GMDS: variants seen among roughly 807,000 people sequenced by gnomAD.
The protein encoded by GMDS is GDP-mannose 4,6 dehydratase.
Under a neutral mutation model 49.9 loss-of-function variants are expected in GMDS, and 20 were observed. The observed-to-expected ratio is 0.40, with a 90% CI of 0.28 to 0.58. The LOEUF is 0.58. Among genes scored for constraint, GMDS ranks in the 20% least tolerant of loss-of-function variants. The pLI, the probability that GMDS is intolerant of heterozygous loss-of-function variation, is 0.42. For synonymous variants in GMDS, 177 were observed against 178.6 expected (o/e 0.99, Z 0.07); for missense variants, 362 against 481.4 (o/e 0.75, Z 2.32).
intron 1 of GMDS, among the ~76,000 whole-genome samples, chr6:2,158,986 T>C: frequency 6.6e-6 from 1 of 152,198 alleles, no homozygotes. Context: ...GGTTGGGGTT[T>C]AGAAGGAAGA....
rs369426311 is a variant in GMDS, at chr6:2,133,259, TG to T, written c.103-8529del. 5.8e-3 allele frequency among the ~76,000 whole-genome samples: 883 copies of T among 152,362 alleles called. 6 individuals carry two copies. The highest frequency in any genetic ancestry group is 0.013 in the South Asian group (61 of 4,830). On this transcript the variant is annotated intron_variant, in intron 1 of 10. Coordinates refer to ENST00000380815, the MANE Select transcript of GMDS (RefSeq NM_001500.4). ...GAATTATGAAATTTTAGTATTTACT[TG>T]ATTTATTAATGTTTCCTTGTGCATT...
intron 1 of GMDS, among the ~76,000 whole-genome samples, chr6:2,207,297 G>T (rs961779737): frequency 6.6e-6 from 1 of 151,904 alleles, no homozygotes; most frequent in African/African-American, 2.4e-5. Context: ...AGGCACAGGG[G>T]ACATGTCTCC....
rs549641675 is a variant in GMDS, at chr6:1,635,667, G to A, written c.988-11127C>T. Among the ~76,000 whole-genome samples the A allele has an allele frequency of 2.6e-5, 4 of 151,640 alleles. No homozygotes were observed. Among genetic ancestry groups the A allele is most frequent in the Middle Eastern group, 3.4e-3 (1 of 294 alleles). On this transcript the variant is annotated intron_variant, in intron 9 of 10. Transcript: ENST00000380815. This position sits in a 1 kb window ranked among gnomAD's most constrained non-coding sequence, Gnocchi z 4.7. ...GGGTCTGTGCTGTGCAAAGCCCACC[G>A]GGGGGTGTGGCCCTCAAGTCTGCAG... is the stretch of plus-strand genomic sequence containing the variant.
chr6:1,702,981 C>T (rs927167051), intron 9 of GMDS, among the ~76,000 whole-genome samples: 3 of 152,168 alleles, frequency 2.0e-5, no homozygotes, highest in African/African-American at 7.2e-5. Flanking sequence ...AGCCACTGGA[C>T]CAGAGTCCAC....
intron 9 of GMDS, among the ~76,000 whole-genome samples, chr6:1,669,011 C>G (rs75126905): frequency 2.4e-3 from 361 of 152,326 alleles, no homozygotes; most frequent in African/African-American, 8.3e-3. Context: ...GAATATATTT[C>G]TAACATATGT....
At chr6:1,721,706 G>A (rs1330917140) in intron 9 of GMDS, among the ~76,000 whole-genome samples, 1 of 151,860 alleles carries the variant, frequency 6.6e-6, no homozygotes, top group Non-Finnish European at 1.5e-5. Flanking sequence ...AATTTGGCAC[G>A]TTAGGATGAC....
chr6:1,924,431 C>G (rs897446316), intron 7 of GMDS, among the ~76,000 whole-genome samples: 1 of 152,154 alleles, frequency 6.6e-6, no homozygotes, highest in African/African-American at 2.4e-5. Flanking sequence ...TTACTGAGTC[C>G]TGGAAAGAGG....
At chr6:1,951,600 T>C (rs1763345180) in intron 6 of GMDS, among the ~76,000 whole-genome samples, 1 of 152,174 alleles carries the variant, frequency 6.6e-6, no homozygotes, top group Non-Finnish European at 1.5e-5. Context: ...TTTCACTATA[T>C]TGCTCAGGCT....
At chr6:1,747,655 A>AT (rs1690084331) in intron 7 of GMDS, among the ~76,000 whole-genome samples, 4 of 152,184 alleles carry the variant, frequency 2.6e-5, no homozygotes, top group African/African-American at 9.6e-5. Context: ...TCTAAACATT[A>AT]TTTAGTAGCT....
chr6:1,706,743 C>T (rs917546110), intron 9 of GMDS, among the ~76,000 whole-genome samples: 9 of 152,172 alleles, frequency 5.9e-5, no homozygotes, highest in East Asian at 1.9e-4. Flanking sequence ...ATACTGTTTG[C>T]GCATTTTTAT....
At chr6:1,633,264 C>T (rs1763049168) in intron 9 of GMDS, among the ~76,000 whole-genome samples, 2 of 152,346 alleles carry the variant, frequency 1.3e-5, no homozygotes, top group South Asian at 4.1e-4. Context: ...AACCCTTCCT[C>T]TAATTTTAGA....
At chr6:1,821,542 T>C (rs570308728) in intron 7 of GMDS, among the ~76,000 whole-genome samples, 1 of 151,626 alleles carries the variant, frequency 6.6e-6, no homozygotes, top group Admixed American at 6.6e-5. Context: ...TTGTGCACAT[T>C]CCAAACGTTT....
intron 7 of GMDS, among the ~76,000 whole-genome samples, chr6:1,768,858 AT>A (rs1316296977): frequency 6.6e-6 from 1 of 152,196 alleles, no homozygotes; most frequent in Non-Finnish European, 1.5e-5. Context: ...CACAACTCCT[AT>A]TTAACTACTG....
At chr6:2,211,529 A>T (rs1027453103) in intron 1 of GMDS, among the ~76,000 whole-genome samples, 5 of 152,114 alleles carry the variant, frequency 3.3e-5, no homozygotes, top group African/African-American at 9.7e-5. Context: ...ATGTTTTTTT[A>T]AAAAATAGAC....
intron 7 of GMDS, among the ~76,000 whole-genome samples, chr6:1,850,758 C>A (rs565021084): frequency 6.6e-6 from 1 of 152,198 alleles, no homozygotes; most frequent in Non-Finnish European, 1.5e-5. Flanking sequence ...GTCAATGATA[C>A]GTTATTGGAT....
At chr6:2,031,147 T>C (rs9378670) in intron 4 of GMDS, among the ~76,000 whole-genome samples, 36,568 of 152,132 alleles carry the variant, frequency 0.24, 4,537 homozygotes, top group South Asian at 0.29. Context: ...CCTGATGCAG[T>C]AGTTCTGGGG....
chr6:1,974,890 T>C (rs1764811873), intron 4 of GMDS, among the ~76,000 whole-genome samples: 1 of 149,238 alleles, frequency 6.7e-6, no homozygotes, highest in African/African-American at 2.5e-5. Flanking sequence ...AAAAAAAAAT[T>C]AGCCAGGCAC....
intron 9 of GMDS, among the ~76,000 whole-genome samples, chr6:1,626,468 CT>C (rs1219241416): frequency 6.6e-6 from 1 of 152,208 alleles, no homozygotes. Context: ...TTTCCCCTCC[CT>C]AAATAAACTT....
chr6:1,947,339 A>G (rs1250770240), intron 6 of GMDS, among the ~76,000 whole-genome samples: 1 of 152,156 alleles, frequency 6.6e-6, no homozygotes, highest in Non-Finnish European at 1.5e-5. Flanking sequence ...TCCTCCTTAA[A>G]ACAAGGTTTA....
Sources: allele counts gnomAD v4.1 joint callset (sites outside exome capture counted in the v4.1 genomes callset), GRCh38; gene constraint gnomAD v4.1.1; non-coding constraint Gnocchi (gnomAD v3.1); transcripts MANE v1.5; gene names NCBI Gene and HGNC (gene_info 2026-07-23, HGNC 2026-07-21).